The following CLDN10 variants were observed in gnomAD, a reference collection of about 807,000 sequenced individuals.
CLDN10 encodes the protein claudin 10, also known as claudin-10.
In CLDN10, 15 loss-of-function variants were observed where a neutral mutation model predicts 22.9. That is an observed-to-expected ratio of 0.65 (90% CI 0.44 to 1.01). The LOEUF (loss-of-function observed/expected upper bound fraction) is 1.01. CLDN10 is among the 50% of genes least tolerant of loss of function. The pLI, the probability that CLDN10 is intolerant of heterozygous loss-of-function variation, is 0.00. For missense variants in CLDN10, 247 were observed against 287.8 expected (o/e 0.86, Z 1.03); for synonymous variants, 114 against 111.4 (o/e 1.02, Z -0.15).
At chr13:95,517,651 T>G (rs1412001466) in intron 1 of CLDN10, among the ~76,000 whole-genome samples, 1 of 152,154 alleles carries the variant, frequency 6.6e-6, no homozygotes, top group African/African-American at 2.4e-5. Flanking sequence ...ATTGAGAGAC[T>G]GAGGTCGGGC....
intron 1 of CLDN10, among the ~76,000 whole-genome samples, chr13:95,512,252 G>C (rs941945876): frequency 7.8e-6 from 1 of 128,820 alleles, no homozygotes; most frequent in East Asian, 2.4e-4. Context: ...GACAAAGATC[G>C]TCTCTCCTTT....
At chr13:95,483,361 T>TC (rs1230662475) in intron 1 of CLDN10, among the ~76,000 whole-genome samples, 1 of 151,616 alleles carries the variant, frequency 6.6e-6, no homozygotes, top group Non-Finnish European at 1.5e-5. Flanking sequence ...TCTCTAATTT[T>TC]TTTTCTTTCT....
chr13:95,485,090 A>G (rs1212278193), intron 1 of CLDN10, among the ~76,000 whole-genome samples: 1 of 151,990 alleles, frequency 6.6e-6, no homozygotes, highest in African/African-American at 2.4e-5. Flanking sequence ...CCAGGGAAGG[A>G]CGACACTGCC....
At chr13:95,550,920 G>A (rs143758318), upstream of CLDN10, among the ~76,000 whole-genome samples, 48 of 137,080 alleles carry the variant, frequency 3.5e-4, no homozygotes, top group Middle Eastern at 8.6e-3. Context: ...TGATCCGCCC[G>A]CCTCGGCCTC....
At chr13:95,526,691 G>A (rs1043443370) in intron 1 of CLDN10, among the ~76,000 whole-genome samples, 2 of 152,088 alleles carry the variant, frequency 1.3e-5, no homozygotes, top group African/African-American at 4.8e-5. Context: ...GGGAGGCTGA[G>A]GCAGGAGAAT....
Position 95,560,419 on chromosome 13 carries a change from C to A in CLDN10, c.420C>A (p.Asn140Lys), listed in dbSNP as rs387907413. 1.1e-4 allele frequency: 175 copies of A among 1,613,914 alleles called. No individual in the cohort carries two copies. Among genetic ancestry groups the A allele is most frequent in the Non-Finnish European group, 1.4e-4 (171 of 1,179,916 alleles). Reference protein sequence around the residue: ...CSMTGCSLYANKITTEFFDPL... With the variant: ...CSMTGCSLYAKKITTEFFDPL... ...TGACTGGATGTTCCCTATATGCAAA[C>A]AAAATCACAACGGAATTCTTTGATC... Residue 140 changes from asparagine (N) to lysine (K), a missense_variant, in exon 3 of 5, where the codon AAC becomes AAA. By Grantham distance (94) the Asn-to-Lys change is moderately conservative. Coordinates refer to ENST00000299339, the MANE Select transcript of CLDN10 (RefSeq NM_006984.5).
chr13:95,507,642 A>T (rs1459540356), intron 1 of CLDN10, among the ~76,000 whole-genome samples: 1 of 149,660 alleles, frequency 6.7e-6, no homozygotes, highest in African/African-American at 2.5e-5. Flanking sequence ...TTTTTTTTTG[A>T]GACAGAGTTC....
rs1017428014 is a variant in CLDN10 at position 95,567,247 on chromosome 13, C to A, written c.464+6784C>A. On this transcript the variant is annotated intron_variant, in intron 3 of 4. Transcript: ENST00000299339. ...TTTTCACGATATTGATTCTTCCTATCCATGAGCATGGAGTGTTCTTCCATT... is the reference window on the plus strand; with the variant it reads ...TTTTCACGATATTGATTCTTCCTATACATGAGCATGGAGTGTTCTTCCATT... Among the ~76,000 whole-genome samples, 3 of 152,090 alleles carry A rather than the reference C, an allele frequency of 2.0e-5. No individual in the cohort carries two copies. The East Asian group carries it at 5.8e-4, about 29-fold the overall frequency.
chr13:95,482,710 C>T (rs527564731), intron 1 of CLDN10, among the ~76,000 whole-genome samples: 2 of 152,312 alleles, frequency 1.3e-5, no homozygotes, highest in South Asian at 4.1e-4. Context: ...GGCGCGGTGG[C>T]TCACGCCTGT....
intron 1 of CLDN10, among the ~76,000 whole-genome samples, chr13:95,511,256 T>G (rs1303557656): frequency 6.6e-6 from 1 of 152,062 alleles, no homozygotes; most frequent in African/African-American, 2.4e-5. Flanking sequence ...CAGATTAGTA[T>G]CATTTATCCA....
chr13:95,559,480 A>G lies in CLDN10; in HGVS notation c.221-652A>G, dbSNP rs962444037. Reference sequence around the variant, plus strand: ...CTTCTACAAAATAGTGCTTTTTAAAACCCAGTTTTATTATATACACCCTGA... The same window carrying G: ...CTTCTACAAAATAGTGCTTTTTAAAGCCCAGTTTTATTATATACACCCTGA... On this transcript the variant is annotated intron_variant, in intron 1 of 4. Coordinates refer to ENST00000299339, the MANE Select transcript of CLDN10 (RefSeq NM_006984.5). 3.9e-5 allele frequency among the ~76,000 whole-genome samples: 6 copies of G among 152,328 alleles called. No individual in the cohort carries two copies. In the South Asian group the frequency reaches 1.0e-3, roughly 26 times the overall value.
intron 1 of CLDN10, among the ~76,000 whole-genome samples, chr13:95,543,833 AT>A (rs1444664446): frequency 1.3e-5 from 2 of 152,068 alleles, no homozygotes; most frequent in African/African-American, 4.8e-5. Context: ...TATGCAATCG[AT>A]TGTAAAAGAC....
At chr13:95,519,251 G>A (rs2043200687) in intron 1 of CLDN10, among the ~76,000 whole-genome samples, 1 of 152,226 alleles carries the variant, frequency 6.6e-6, no homozygotes, top group Non-Finnish European at 1.5e-5. Context: ...CAAACAAGAA[G>A]TGTGAAGGTT....
At chr13:95,465,585 G>T (rs752595891) in intron 1 of CLDN10, among the ~76,000 whole-genome samples, 40 of 152,174 alleles carry the variant, frequency 2.6e-4, no homozygotes, top group Non-Finnish European at 5.7e-4. Context: ...CACCTGGCAG[G>T]TGAATAACCA....
chr13:95,472,859 G>C (rs1394331605), intron 1 of CLDN10, among the ~76,000 whole-genome samples: 1 of 151,990 alleles, frequency 6.6e-6, no homozygotes, highest in East Asian at 1.9e-4. Context: ...GGTGCTCTCT[G>C]TCCTGGTGCA....
chr13:95,525,927 CT>C (rs2043276268), intron 1 of CLDN10, among the ~76,000 whole-genome samples: 1 of 152,158 alleles, frequency 6.6e-6, no homozygotes, highest in Admixed American at 6.6e-5. Flanking sequence ...TTTCTCCTCA[CT>C]GATTCTGGGT....
intron 1 of CLDN10, among the ~76,000 whole-genome samples, chr13:95,523,789 G>T (rs1313824331): frequency 6.6e-6 from 1 of 152,038 alleles, no homozygotes; most frequent in Non-Finnish European, 1.5e-5. Context: ...TCTTGACTTT[G>T]GCACGCTTTA....
intron 1 of CLDN10, among the ~76,000 whole-genome samples, chr13:95,514,526 C>T (rs990419433): frequency 6.6e-6 from 1 of 151,844 alleles, no homozygotes; most frequent in Non-Finnish European, 1.5e-5. Context: ...AATATTTAAA[C>T]AGACCCCAAG....
At chr13:95,445,419 T>C (rs2042364687) in intron 1 of CLDN10, among the ~76,000 whole-genome samples, 3 of 152,258 alleles carry the variant, frequency 2.0e-5, no homozygotes. Flanking sequence ...GGGCTTACAC[T>C]TAACAAAGAC....
Sources: allele counts gnomAD v4.1 joint callset (sites outside exome capture counted in the v4.1 genomes callset), GRCh38; gene constraint gnomAD v4.1.1; transcripts MANE v1.5; gene names NCBI Gene and HGNC (gene_info 2026-07-23, HGNC 2026-07-21).